Variants in JCAD observed in about 807,000 individuals in gnomAD.
The protein encoded by JCAD is junctional cadherin 5-associated protein.
Under a neutral mutation model 98.0 loss-of-function variants are expected in JCAD, and 40 were observed. That is an observed-to-expected ratio of 0.41 (90% CI 0.32 to 0.53). The LOEUF is 0.53. JCAD is among the 20% of genes least tolerant of loss of function. The pLI is 0.31. For synonymous variants in JCAD, 691 were observed against 682.3 expected (o/e 1.01, Z -0.20); for missense variants, 1,705 against 1,738.1 (o/e 0.98, Z 0.34).
chr10:30,112,151 T>C (rs966312546), intron 1 of JCAD, among the ~76,000 whole-genome samples: 1 of 152,150 alleles, frequency 6.6e-6, no homozygotes, highest in East Asian at 1.9e-4. Flanking sequence ...GGAGGACCGA[T>C]GCAGGCTACC....
chr10:30,088,313 C>T (rs1838199032), intron 1 of JCAD, among the ~76,000 whole-genome samples: 2 of 152,128 alleles, frequency 1.3e-5, no homozygotes. Context: ...CAATCATTTT[C>T]CCCATGGGAA....
chr10:30,029,273 G>A lies in JCAD; in HGVS notation c.875C>T (p.Pro292Leu), dbSNP rs1262247015. ...CGAGCTGTAAGATGGGGGCTTGAGGGGCCTCCCAAACTTAGGCCGGGGAAA... is the reference window on the plus strand; with the variant it reads ...CGAGCTGTAAGATGGGGGCTTGAGGAGCCTCCCAAACTTAGGCCGGGGAAA... Reference protein sequence around the residue: ...APFPRPKFGRPLKPPSYSSHQ... With the variant: ...APFPRPKFGRLLKPPSYSSHQ... Residue 292 changes from proline (P) to leucine (L), a missense_variant, in exon 3 of 4, where the codon CCC becomes CTC. Transcript: ENST00000375377. The A allele has an allele frequency of 9.3e-6, 15 of 1,613,974 alleles. No homozygotes were observed. The highest frequency in any genetic ancestry group is 1.3e-5 in the Non-Finnish European group (15 of 1,180,024).
chr10:30,020,043 T>C (rs1836626441), intron 3 of JCAD, among the ~76,000 whole-genome samples: 1 of 150,904 alleles, frequency 6.6e-6, no homozygotes, highest in Non-Finnish European at 1.5e-5. Context: ...AAAAACAATC[T>C]TTTGGCCGGG....
intron 1 of JCAD, among the ~76,000 whole-genome samples, chr10:30,091,934 A>C (rs1838273788): frequency 7.0e-6 from 1 of 142,970 alleles, no homozygotes; most frequent in Non-Finnish European, 1.5e-5. Context: ...AGGCTGAGGC[A>C]AGAGAATCTC....
intron 3 of JCAD, among the ~76,000 whole-genome samples, chr10:30,021,651 T>G (rs1589675188): frequency 6.6e-6 from 1 of 152,238 alleles, no homozygotes; most frequent in Non-Finnish European, 1.5e-5. Context: ...TTTTTTGTAC[T>G]AAGTCTTTGG....
chr10:30,085,695 TGA>T (rs991006846), intron 1 of JCAD, among the ~76,000 whole-genome samples: 10 of 152,268 alleles, frequency 6.6e-5, no homozygotes, highest in African/African-American at 2.4e-4. Context: ...AGTGATAGGT[TGA>T]GCCTAAAAAA....
chr10:30,109,407 C>T (rs1421206834), intron 1 of JCAD, among the ~76,000 whole-genome samples: 1 of 152,160 alleles, frequency 6.6e-6, no homozygotes, highest in African/African-American at 2.4e-5. Flanking sequence ...CACCATTTCC[C>T]CAGACTTCCA....
In JCAD at chr10:30,059,124, C is replaced by T. The variant is rs1837647736; in HGVS notation, c.-60+358G>A. ...AGAGGGGAGTGAGTGACCCCGGCCC[C>T]CCAGGCCCTCCGCGCGCCGAGGGGC... On this transcript the variant is annotated intron_variant, in intron 1 of 3. Transcript: ENST00000375377. This position sits in a 1 kb window ranked among gnomAD's most constrained non-coding sequence, Gnocchi z 5.0. Among the ~76,000 whole-genome samples the T allele has an allele frequency of 6.6e-6, 1 of 151,876 alleles. No homozygotes were observed. The highest frequency in any genetic ancestry group is 6.6e-5 in the Admixed American group (1 of 15,258).
At chr10:30,080,838 A>G (rs1838069179) in intron 1 of JCAD, among the ~76,000 whole-genome samples, 1 of 152,170 alleles carries the variant, frequency 6.6e-6, no homozygotes, top group African/African-American at 2.4e-5. Context: ...GGGCCTGCAC[A>G]TCCTGCATGC....
In JCAD at chr10:30,069,446, C is replaced by CAAA. The variant is rs35069678; in HGVS notation, n.250+251_250+253dup. Reference sequence around the variant, plus strand: ...GACCCCCATCTCTACAGAAAATTTACAAAAAAAAAAAAAAAAAAAAAATTA... The same window carrying CAAA: ...GACCCCCATCTCTACAGAAAATTTACAAAAAAAAAAAAAAAAAAAAAAAAATTA... On this transcript the variant is annotated intron_variant and non_coding_transcript_variant, in intron 2 of 2. Transcript: ENST00000465712. Among the ~76,000 whole-genome samples the CAAA allele has an allele frequency of 4.0e-4, 42 of 105,568 alleles. 1 individual carries two copies. The highest frequency in any genetic ancestry group is 3.8e-3 in the South Asian group (10 of 2,616). The allele number at this position is 105,568 out of a possible 152,430, so 69.3% of individuals were successfully genotyped here. A position where few individuals can be genotyped will look rare whatever the true frequency, so the allele number is the denominator to read the frequency against.
chr10:30,085,807 G>A (rs981216282), intron 1 of JCAD, among the ~76,000 whole-genome samples: 1 of 152,134 alleles, frequency 6.6e-6, no homozygotes, highest in Non-Finnish European at 1.5e-5. Flanking sequence ...TGGGTTTAAG[G>A]TAATGTCCAA....
intron 1 of JCAD, among the ~76,000 whole-genome samples, chr10:30,053,946 C>T (rs73598343): frequency 0.074 from 11,186 of 151,984 alleles, 623 homozygotes; most frequent in East Asian, 0.22. Flanking sequence ...CCTGTAGTCC[C>T]AGCTACTCAG....
In JCAD at chr10:30,014,576, TG is replaced by T. The variant is rs1564434848; in HGVS notation, c.*3306del. On this transcript the variant is annotated 3_prime_UTR_variant, in exon 4 of 4. Transcript: ENST00000375377. ...GATCTCTGGGGGTCACAAGATGAAA[TG>T]GTAGGTGAATGTTATCTTCTATCAG... The T allele has an allele frequency of 6.6e-6, 1 of 152,102 alleles. No individual in the cohort carries two copies. Among genetic ancestry groups the T allele is most frequent in the Non-Finnish European group, 1.5e-5 (1 of 68,022 alleles). 9.4% of individuals were successfully genotyped at this position (152,102 alleles called of 1,614,324 possible). A position where few individuals can be genotyped will look rare whatever the true frequency, so the allele number is the denominator to read the frequency against.
intron 1 of JCAD, among the ~76,000 whole-genome samples, chr10:30,115,168 A>G (rs554022153): frequency 2.6e-5 from 4 of 152,142 alleles, no homozygotes; most frequent in South Asian, 2.1e-4. Context: ...CGCTTTCTCC[A>G]CAAACAGAGA....
At position 30,016,442 on chromosome 10, in the gene JCAD, T is replaced by C. The variant is rs1243424059; in HGVS notation, c.*1441A>G. On this transcript the variant is annotated 3_prime_UTR_variant, in exon 4 of 4. Coordinates refer to ENST00000375377, the MANE Select transcript of JCAD (RefSeq NM_020848.4). ...GGAGGGGAAATGATTTAGGGAATGT[T>C]AGTTGTCAGGAATACCTTACTTAGA... The C allele has an allele frequency of 6.6e-6, 1 of 151,850 alleles. No individual in the cohort carries two copies. The highest frequency in any genetic ancestry group is 1.5e-5 in the Non-Finnish European group (1 of 67,952). 9.4% of individuals were successfully genotyped at this position (151,850 alleles called of 1,614,324 possible).
At chr10:30,066,739 A>G (rs1046956217) in intron 2 of JCAD, among the ~76,000 whole-genome samples, 1 of 152,186 alleles carries the variant, frequency 6.6e-6, no homozygotes, top group Non-Finnish European at 1.5e-5. Flanking sequence ...TTGTTTTTAA[A>G]ATGGGAAATA....
At chr10:30,025,109 G>A (rs1836761539) in intron 3 of JCAD, among the ~76,000 whole-genome samples, 1 of 152,150 alleles carries the variant, frequency 6.6e-6, no homozygotes, top group Non-Finnish European at 1.5e-5. Context: ...GGGGTGGGAG[G>A]AGCAGAACCA....
chr10:30,023,622 A>G (rs1423074297), intron 3 of JCAD, among the ~76,000 whole-genome samples: 3 of 152,306 alleles, frequency 2.0e-5, no homozygotes, highest in Admixed American at 1.3e-4. Flanking sequence ...AGCTGTCAAC[A>G]TGAGTGGCTC....
At chr10:30,023,604 C>T (rs763337396) in intron 3 of JCAD, among the ~76,000 whole-genome samples, 2 of 152,096 alleles carry the variant, frequency 1.3e-5, no homozygotes, top group Non-Finnish European at 2.9e-5. Context: ...CTTGAAAATG[C>T]CCGAGGAAGC....
Sources: gnomAD v4.1 joint callset for allele counts (sites outside exome capture counted in the v4.1 genomes callset) on GRCh38, gnomAD v4.1.1 for gene constraint, Gnocchi (gnomAD v3.1) non-coding constraint, MANE v1.5 for transcripts, NCBI Gene and HGNC (gene_info 2026-07-23, HGNC 2026-07-21) for gene names.